The following AP3B1 variants were observed in gnomAD, a reference collection of about 807,000 sequenced individuals.
The protein encoded by AP3B1 is AP-3 complex subunit beta-1.
AP3B1 carries 61 observed loss-of-function variants against 132.5 expected under a neutral mutation model. The ratio of observed to expected loss-of-function variants is 0.46; its 90% CI spans 0.37 to 0.57. The LOEUF (loss-of-function observed/expected upper bound fraction) is 0.57, where lower values mean the gene tolerates loss of function less well. AP3B1 is among the 20% of genes least tolerant of loss of function. The pLI is 0.00. For synonymous variants in AP3B1, 388 were observed against 438.3 expected (o/e 0.89, Z 1.43); for missense variants, 1,120 against 1,289.4 (o/e 0.87, Z 2.01).
At chr5:78,131,310 T>A (rs989384599) in intron 15 of AP3B1, among the ~76,000 whole-genome samples, 1 of 152,014 alleles carries the variant, frequency 6.6e-6, no homozygotes, top group Non-Finnish European at 1.5e-5. Context: ...CTGCAGTGAG[T>A]AATTATAAAA....
rs1298739100 is a variant in AP3B1 at position 78,193,732 on chromosome 5, GTATA to G, written c.787-12074_787-12071del. ...TATATTTACATATTTTTAAATATTTGTATATATTTTTTTATATATATATATATAT... is the reference window on the plus strand; with the variant it reads ...TATATTTACATATTTTTAAATATTTGTATTTTTTTATATATATATATATAT... On this transcript the variant is annotated intron_variant, in intron 7 of 26. Coordinates refer to ENST00000255194, the MANE Select transcript of AP3B1 (RefSeq NM_003664.5). Among the ~76,000 whole-genome samples the G allele has an allele frequency of 5.6e-3, 503 of 89,206 alleles. 5 individuals are homozygous for G. Among genetic ancestry groups the G allele is most frequent in the African/African-American group, 0.02 (485 of 24,776 alleles). The allele number at this position is 89,206 out of a possible 152,430, so 58.5% of individuals were successfully genotyped here.
At chr5:78,249,724 C>T (rs1747551015) in intron 2 of AP3B1, among the ~76,000 whole-genome samples, 1 of 151,870 alleles carries the variant, frequency 6.6e-6, no homozygotes, top group African/African-American at 2.4e-5. Context: ...GCTGGGACCA[C>T]AGGCACCCTC....
chr5:78,223,765 G>A (rs1746286489), intron 6 of AP3B1, among the ~76,000 whole-genome samples: 1 of 152,116 alleles, frequency 6.6e-6, no homozygotes, highest in African/African-American at 2.4e-5. Context: ...TACAAATCTG[G>A]AGCCTAAAAC....
At chr5:78,005,777 T>C (rs1363783705) in intron 26 of AP3B1, among the ~76,000 whole-genome samples, 5 of 152,228 alleles carry the variant, frequency 3.3e-5, no homozygotes, top group Non-Finnish European at 5.9e-5. Flanking sequence ...AATTGGTTTG[T>C]TTTGGCCCTC....
intron 2 of AP3B1, among the ~76,000 whole-genome samples, chr5:78,254,747 C>G (rs576599101): frequency 6.6e-6 from 1 of 152,174 alleles, no homozygotes; most frequent in East Asian, 1.9e-4. Context: ...TAAATAATCA[C>G]CTGAAGGTAC....
At chr5:78,142,092 C>T (rs907976514) in intron 14 of AP3B1, among the ~76,000 whole-genome samples, 10 of 152,110 alleles carry the variant, frequency 6.6e-5, no homozygotes, top group Non-Finnish European at 1.2e-4. Flanking sequence ...AATCATGAAT[C>T]CCAGTCTATT....
intron 22 of AP3B1, among the ~76,000 whole-genome samples, chr5:78,062,984 C>T (rs1561382251): frequency 6.6e-6 from 1 of 152,140 alleles, no homozygotes; most frequent in Non-Finnish European, 1.5e-5. Context: ...AAATGTCTCT[C>T]GGTTCTCTAT....
chr5:78,273,948 TCCTAAATA>T (rs370993454), intron 1 of AP3B1, among the ~76,000 whole-genome samples: 92 of 147,954 alleles, frequency 6.2e-4, no homozygotes, highest in African/African-American at 2.3e-3. Context: ...ATCATTTTTA[TCCTAAATA>T]CCTAGCATCT....
intron 15 of AP3B1, among the ~76,000 whole-genome samples, chr5:78,134,731 C>T (rs1183902062): frequency 2.0e-5 from 3 of 152,012 alleles, no homozygotes; most frequent in South Asian, 4.1e-4. Flanking sequence ...TTAGTAGAGA[C>T]GGGGTTTAAC....
intron 17 of AP3B1, among the ~76,000 whole-genome samples, chr5:78,122,351 G>A (rs1337951716): frequency 9.8e-5 from 15 of 152,288 alleles, no homozygotes; most frequent in South Asian, 2.1e-4. Flanking sequence ...GGCCAGGGCA[G>A]TTAGGCAGGA....
intron 20 of AP3B1, among the ~76,000 whole-genome samples, chr5:78,107,970 T>C (rs566994238): frequency 6.6e-6 from 1 of 152,352 alleles, no homozygotes; most frequent in African/African-American, 2.4e-5. Flanking sequence ...AGGTAGGTAC[T>C]AGCATGTCTG....
chr5:78,035,177 A>G (rs2112093005), intron 23 of AP3B1, among the ~76,000 whole-genome samples: 1 of 152,068 alleles, frequency 6.6e-6, no homozygotes, highest in Admixed American at 6.5e-5. Context: ...AACAATGACA[A>G]AACTTAAGGC....
intron 14 of AP3B1, among the ~76,000 whole-genome samples, chr5:78,155,860 A>G (rs1158837307): frequency 6.6e-6 from 1 of 152,186 alleles, no homozygotes; most frequent in Non-Finnish European, 1.5e-5. Context: ...GTATAAAATA[A>G]TATCTCAATT....
At position 78,273,865 on chromosome 5, in the gene AP3B1, G is replaced by C. The variant is rs146030157; in HGVS notation, c.129-6270C>G. Among the ~76,000 whole-genome samples the C allele has an allele frequency of 2.4e-3, 363 of 151,802 alleles. 1 individual carries two copies. The highest frequency in any genetic ancestry group is 4.2e-3 in the Non-Finnish European group (283 of 67,932). ...AGAATGATCTGCTTACATTCTATTT[G>C]CTTGGCTGGAAAAAAAAACAAAAAC... On this transcript the variant is annotated intron_variant, in intron 1 of 26. Coordinates refer to ENST00000255194, the MANE Select transcript of AP3B1 (RefSeq NM_003664.5).
chr5:78,149,008 A>C (rs550555841), intron 14 of AP3B1, among the ~76,000 whole-genome samples: 18 of 152,272 alleles, frequency 1.2e-4, no homozygotes, highest in Non-Finnish European at 1.8e-4. Flanking sequence ...AAAAAAGCTT[A>C]ACCTCTCATT....
Position 78,165,656 on chromosome 5 carries a change from T to C in AP3B1, c.1184A>G (p.Asn395Ser), listed in dbSNP as rs145351589. ...TGATATGTTGGCTTCATTTGCCAAG[T>C]TTGTCAAAATTTCAAGCTATAGTAG... ...IKTLKLEILT[N>S]LANEANISTL... is the part of the protein sequence containing the mutation. Residue 395 changes from asparagine to serine, a missense_variant, in exon 12 of 27, where the codon AAC becomes AGC. Asn to Ser is a conservative substitution (Grantham distance 46). Transcript: ENST00000255194. The C allele has an allele frequency of 1.2e-4, 193 of 1,606,362 alleles. No individual in the cohort carries two copies. The African/African-American group carries it at 1.9e-3, about 16-fold the overall frequency.
At chr5:78,156,151 A>T in intron 14 of AP3B1, 107 bp downstream of exon 14, 1 of 789,502 alleles carries the variant, frequency 1.3e-6, no homozygotes, top group Non-Finnish European at 2.2e-6. Context: ...ATTGGAATCC[A>T]GACACTTCAG....
Position 78,175,654 on chromosome 5 carries a change from G to A in AP3B1, c.1139C>T (p.Thr380Ile). 6.2e-7 allele frequency: 1 copy of A among 1,613,386 alleles called. No individual in the cohort carries two copies. The highest frequency in any genetic ancestry group is 8.5e-7 in the Non-Finnish European group (1 of 1,179,534). The change falls in exon 11 of 27, where the codon ACT becomes ATT. Residue 380 changes from threonine (T) to isoleucine (I), a missense_variant. Around this residue, in one of 3 missense-constraint regions of AP3B1, gnomAD observed 906 missense variants for 997.1 expected, o/e 0.91. Coordinates refer to ENST00000255194, the MANE Select transcript of AP3B1 (RefSeq NM_003664.5). The part of the protein sequence containing the change: ...PYLKSFYVRS[T>I]DPTMIKTLKL... Reference sequence around the variant, plus strand: ...CAGTGTCTTGATCATAGTTGGATCAGTTGACCTAACATAGAAACTCTTCAG... The same window carrying A: ...CAGTGTCTTGATCATAGTTGGATCAATTGACCTAACATAGAAACTCTTCAG...
intron 17 of AP3B1, among the ~76,000 whole-genome samples, chr5:78,117,140 C>G (rs1751878106): frequency 6.7e-6 from 1 of 149,592 alleles, no homozygotes; most frequent in Non-Finnish European, 1.5e-5. Flanking sequence ...TTCACCCTAG[C>G]TCTTGGCACT....
Sources: allele counts gnomAD v4.1 joint callset (sites outside exome capture counted in the v4.1 genomes callset), GRCh38; gene constraint gnomAD v4.1.1; regional missense constraint gnomAD v4.1.1; transcripts MANE v1.5; gene names NCBI Gene and HGNC (gene_info 2026-07-23, HGNC 2026-07-21).